TBPL2: variants seen among roughly 807,000 people sequenced by gnomAD.
TBPL2 encodes TATA-box binding protein like 2, also known as TATA box-binding protein-like 2.
In TBPL2, 40 loss-of-function variants were observed where a neutral mutation model predicts 38.2. The ratio of observed to expected loss-of-function variants is 1.05; its 90% CI spans 0.81 to 1.36. The LOEUF (loss-of-function observed/expected upper bound fraction) is 1.36, where lower values mean the gene tolerates loss of function less well. TBPL2 is among the 40% of genes most tolerant of loss of function. The probability of loss-of-function intolerance (pLI) is 0.00; values close to 1 mark genes in which losing one functional copy is unlikely to be tolerated. For missense variants in TBPL2, 461 were observed against 456.7 expected (o/e 1.01, Z -0.09); for synonymous variants, 169 against 171.7 (o/e 0.98, Z 0.12).
exon 5 of TBPL2, chr14:55,428,818 C>T (rs1318746256): frequency 7.4e-6 from 12 of 1,613,928 alleles, no homozygotes; most frequent in Admixed American, 3.3e-5. Flanking sequence ...TACTGAACTG[C>T]TGATGGGTTA....
chr14:55,433,306 T>C (rs1050291797), intron 4 of TBPL2, among the ~76,000 whole-genome samples: 2 of 113,774 alleles, frequency 1.8e-5, no homozygotes, highest in African/African-American at 8.0e-5. Context: ...TTTTTAGATT[T>C]CTCTTTTTTT....
intron 6 of TBPL2, among the ~76,000 whole-genome samples, chr14:55,423,360 A>G (rs958773765): frequency 1.3e-5 from 2 of 152,272 alleles, no homozygotes; most frequent in African/African-American, 4.8e-5. Flanking sequence ...TTCTAAGAAC[A>G]AAATGGACAT....
Position 55,440,441 on chromosome 14 carries a change from CT to C in TBPL2, c.104del (p.Gln35ArgfsTer38). ...GGTAGAGCTCCAGGTAGGTCTCCTC[CT>C]GCTCCATGGACCGTAATCCCACTGT... On this transcript the variant is annotated frameshift_variant, in exon 1 of 7. Coordinates refer to ENST00000247219, the Ensembl canonical transcript of TBPL2. LOFTEE classifies it high-confidence loss of function. The C allele has an allele frequency of 6.2e-7, 1 of 1,613,028 alleles. No homozygotes were observed. Among genetic ancestry groups the C allele is most frequent in the Non-Finnish European group, 8.5e-7 (1 of 1,179,960 alleles).
chr14:55,438,801 C>G (rs950493167), intron 1 of TBPL2: 2 of 151,962 alleles, frequency 1.3e-5, no homozygotes, highest in Admixed American at 1.3e-4. Context: ...TTACCTTTCT[C>G]AGAACCTTTC....
intron 4 of TBPL2, among the ~76,000 whole-genome samples, chr14:55,432,058 A>G (rs1453872448): frequency 6.6e-6 from 1 of 152,156 alleles, no homozygotes; most frequent in African/African-American, 2.4e-5. Flanking sequence ...AATGTAGAAA[A>G]CAAAGAAAAA....
chr14:55,415,253 G>T (rs1358623632), intron 6 of TBPL2, among the ~76,000 whole-genome samples: 1 of 152,208 alleles, frequency 6.6e-6, no homozygotes, highest in Non-Finnish European at 1.5e-5. Context: ...GGCAAGGAAG[G>T]AAGAAAGGAG....
chr14:55,429,858 T>C (rs1396436533), intron 4 of TBPL2, among the ~76,000 whole-genome samples: 1 of 150,920 alleles, frequency 6.6e-6, no homozygotes, highest in East Asian at 1.9e-4. Flanking sequence ...GTAAGATATG[T>C]GCTGATTGAG....
At chr14:55,421,060 CAAAAAAAAA>C (rs71131263) in intron 6 of TBPL2, among the ~76,000 whole-genome samples, 1 of 107,590 alleles carries the variant, frequency 9.3e-6, no homozygotes, top group Non-Finnish European at 1.8e-5. Flanking sequence ...GAATCTGTCT[CAAAAAAAAA>C]AAAAAAAAAG....
At chr14:55,433,772 TCCCAGTTGAAAAAG>T in intron 3 of TBPL2, 51 bp from the exon 4 acceptor site, 1 of 1,535,048 alleles carries the variant, frequency 6.5e-7, no homozygotes, top group South Asian at 1.2e-5. Flanking sequence ...GTTAACATTA[TCCCAGTTGAAAAAG>T]CCGAGCTGAA....
chr14:55,428,918 C>A (rs774279604), exon 5 of TBPL2: 1 of 1,614,152 alleles, frequency 6.2e-7, no homozygotes, highest in Non-Finnish European at 8.5e-7. Context: ...GGCAGGGAAC[C>A]CAAGCTTCTG....
intron 6 of TBPL2, among the ~76,000 whole-genome samples, chr14:55,415,739 G>T (rs529855887): frequency 1.3e-5 from 2 of 152,170 alleles, no homozygotes; most frequent in South Asian, 2.1e-4. Flanking sequence ...GGCGGTGGGC[G>T]TCTGTCATCC....
In TBPL2 at chr14:55,436,675, G is replaced by C; in HGVS notation, c.494C>G (p.Ser165Ter). Reference sequence around the variant, plus strand: ...TGGTTTCTCAGGAGAGGGCTGGACTGAGTCAGTATCACCAGGGTGCAGCTG... The same window carrying C: ...TGGTTTCTCAGGAGAGGGCTGGACTCAGTCAGTATCACCAGGGTGCAGCTG... The change falls in exon 2 of 7, where the codon TCA (serine) becomes TGA (stop). Residue 165 changes from serine to a stop codon, truncating the protein, a stop_gained. Transcript: ENST00000247219. LOFTEE classifies it high-confidence loss of function. The C allele has an allele frequency of 2.5e-6, 4 of 1,614,242 alleles. 1 individual carries two copies. The highest frequency in any genetic ancestry group is 1.7e-6 in the Non-Finnish European group (2 of 1,180,034).
intron 5 of TBPL2, among the ~76,000 whole-genome samples, chr14:55,425,780 G>A (rs990839570): frequency 1.2e-4 from 19 of 152,098 alleles, no homozygotes; most frequent in African/African-American, 4.6e-4. Context: ...CCCCTGAAGG[G>A]CCTTACCTTC....
At chr14:55,437,121 G>T (rs879696496) in intron 1 of TBPL2, 103 bp from the exon 2 acceptor site, 15 of 989,978 alleles carry the variant, frequency 1.5e-5, no homozygotes, top group East Asian at 7.2e-5. Flanking sequence ...TGTATTCAGT[G>T]TAAGAGGCAG....
chr14:55,426,097 T>C (rs1885817244), intron 5 of TBPL2, among the ~76,000 whole-genome samples: 1 of 151,952 alleles, frequency 6.6e-6, no homozygotes, highest in Non-Finnish European at 1.5e-5. Context: ...TAAAACCTCG[T>C]CTCTACTAAA....
At chr14:55,426,284 TAAATA>T (rs1254183959) in intron 5 of TBPL2, among the ~76,000 whole-genome samples, 6 of 150,294 alleles carry the variant, frequency 4.0e-5, no homozygotes, top group African/African-American at 1.5e-4. Context: ...AAAAAATAAA[TAAATA>T]AAATAAAGAG....
intron 1 of TBPL2, 31 bp downstream of exon 1, chr14:55,440,365 C>G (rs1886090900): frequency 6.2e-7 from 1 of 1,612,344 alleles, no homozygotes; most frequent in African/African-American, 1.3e-5. Context: ...GGACTTGGGT[C>G]CTGACTCTGG....
exon 7 of TBPL2, chr14:55,414,347 A>C (rs1386197692): frequency 2.0e-6 from 3 of 1,520,550 alleles, no homozygotes; most frequent in Non-Finnish European, 2.7e-6. Flanking sequence ...ACATATTCAA[A>C]CCAGAATAAT....
chr14:55,437,214 C>T (rs552260773), intron 1 of TBPL2, among the ~76,000 whole-genome samples, 196 bp from the exon 2 acceptor site: 31 of 135,026 alleles, frequency 2.3e-4, no homozygotes, highest in African/African-American at 7.2e-4. Flanking sequence ...TGGTAGCTCA[C>T]GCCTGTAATC....
Sources: gnomAD v4.1 joint callset for allele counts (sites outside exome capture counted in the v4.1 genomes callset) on GRCh38, gnomAD v4.1.1 for gene constraint, MANE v1.5 for transcripts, NCBI Gene and HGNC (gene_info 2026-07-23, HGNC 2026-07-21) for gene names.